Variants in CADM2 observed in about 807,000 individuals in gnomAD.
The protein encoded by CADM2 is immunoglobulin superfamily member 4D.
In CADM2, 12 loss-of-function variants were observed where a neutral mutation model predicts 49.8. That is an observed-to-expected ratio of 0.24 (90% CI 0.15 to 0.39). The LOEUF (loss-of-function observed/expected upper bound fraction) is 0.39, where lower values mean the gene tolerates loss of function less well. CADM2 is among the 10% of genes least tolerant of loss of function. The pLI is 1.00. For synonymous variants in CADM2, 214 were observed against 175.4 expected, an observed-to-expected ratio of 1.22 and a Z score of -1.74; for missense variants, 378 against 492.3, an observed-to-expected ratio of 0.77 and a Z score of 2.20.
chr3:85,051,790 G>T (rs991699903), intron 1 of CADM2, among the ~76,000 whole-genome samples: 3 of 151,938 alleles, frequency 2.0e-5, no homozygotes, highest in Non-Finnish European at 2.9e-5. Flanking sequence ...GTTTTAATTT[G>T]ATATCATTAT....
chr3:85,227,314 A>T (rs112771306), intron 1 of CADM2, among the ~76,000 whole-genome samples: 10,337 of 152,060 alleles, frequency 0.068, 1,154 homozygotes, highest in African/African-American at 0.23. Context: ...GCTCCTGTAT[A>T]GGGTGCATAT....
chr3:84,994,203 TTCTGACTC>T (rs1386110685), intron 1 of CADM2, among the ~76,000 whole-genome samples: 3 of 152,200 alleles, frequency 2.0e-5, no homozygotes, highest in Non-Finnish European at 4.4e-5. Context: ...GCTTTTCCAC[TTCTGACTC>T]TCTAAGTTTG....
intron 1 of CADM2, among the ~76,000 whole-genome samples, chr3:85,266,293 A>G (rs1669050529): frequency 6.6e-6 from 1 of 151,926 alleles, no homozygotes; most frequent in African/African-American, 2.4e-5. Flanking sequence ...TAAATTGTAA[A>G]TAAAAGTAAA....
chr3:86,047,946 A>T (rs970747618), intron 8 of CADM2, among the ~76,000 whole-genome samples: 1 of 152,170 alleles, frequency 6.6e-6, no homozygotes, highest in Non-Finnish European at 1.5e-5. Context: ...TACATTTAGG[A>T]AAATGTGAGT....
chr3:85,232,077 A>T (rs1383523880), intron 1 of CADM2, among the ~76,000 whole-genome samples: 1 of 151,606 alleles, frequency 6.6e-6, no homozygotes, highest in Non-Finnish European at 1.5e-5. Context: ...ATCTAATCAG[A>T]TTCTCAGTTC....
chr3:85,911,593 T>A (rs947821910), intron 5 of CADM2, among the ~76,000 whole-genome samples: 6 of 152,218 alleles, frequency 3.9e-5, no homozygotes, highest in African/African-American at 1.4e-4. Context: ...CTAAGTATCC[T>A]TTAGCAATTT....
chr3:86,014,757 A>G, intron 8 of CADM2: 1 of 1,487,316 alleles, frequency 6.7e-7, no homozygotes, highest in Non-Finnish European at 9.0e-7. Flanking sequence ...GCTCTCAGCC[A>G]AGCTTCACTG....
chr3:85,338,520 T>A (rs1304744266), intron 1 of CADM2, among the ~76,000 whole-genome samples: 1 of 151,586 alleles, frequency 6.6e-6, no homozygotes, highest in Non-Finnish European at 1.5e-5. Flanking sequence ...CAAATTATAG[T>A]GCATATAATA....
intron 3 of CADM2, among the ~76,000 whole-genome samples, chr3:85,837,118 G>A (rs1474034665): frequency 6.6e-6 from 1 of 151,536 alleles, no homozygotes. Flanking sequence ...ATGTGTACAA[G>A]TCATGTTCAT....
At chr3:85,587,891 C>T (rs550473679) in intron 1 of CADM2, among the ~76,000 whole-genome samples, 79 of 152,020 alleles carry the variant, frequency 5.2e-4, no homozygotes, top group African/African-American at 1.8e-3. Context: ...ACTACAGACA[C>T]GCGTCACCAT....
intron 1 of CADM2, among the ~76,000 whole-genome samples, chr3:85,620,638 A>G (rs1393996425): frequency 1.3e-5 from 2 of 152,070 alleles, no homozygotes; most frequent in Non-Finnish European, 2.9e-5. Flanking sequence ...ATCATCAAAC[A>G]CAAAATGTTT....
intron 1 of CADM2, among the ~76,000 whole-genome samples, chr3:85,379,954 C>A (rs914820898): frequency 7.9e-5 from 12 of 151,974 alleles, no homozygotes; most frequent in African/African-American, 2.9e-4. Flanking sequence ...CGCAAGAAAG[C>A]TTTAGCAAAC....
chr3:85,413,551 A>G (rs1161276590), intron 1 of CADM2, among the ~76,000 whole-genome samples: 1 of 152,140 alleles, frequency 6.6e-6, no homozygotes, highest in African/African-American at 2.4e-5. Context: ...GGCCTCAGGA[A>G]ACTTACAATC....
At chr3:85,040,273 G>A (rs1338070180) in intron 1 of CADM2, among the ~76,000 whole-genome samples, 2 of 152,080 alleles carry the variant, frequency 1.3e-5, no homozygotes, top group Non-Finnish European at 2.9e-5. Context: ...CAGATTTCAG[G>A]CTCATAAGCT....
chr3:85,568,457 TTCTTTCTCTTTC>T (rs2062356682), intron 1 of CADM2, among the ~76,000 whole-genome samples: 14 of 36,020 alleles, frequency 3.9e-4, no homozygotes, highest in African/African-American at 1.3e-3. Context: ...CTTTCTTTCT[TTCTTTCTCTTTC>T]TCTCTCTTTC....
chr3:85,354,618 CAGAG>C (rs139421347), intron 1 of CADM2, among the ~76,000 whole-genome samples: 5 of 130,250 alleles, frequency 3.8e-5, no homozygotes, highest in South Asian at 2.6e-4. Flanking sequence ...GAATACCTAA[CAGAG>C]AGAGAGAGAG....
At chr3:85,429,751 C>T (rs1194631423) in intron 1 of CADM2, among the ~76,000 whole-genome samples, 1 of 152,076 alleles carries the variant, frequency 6.6e-6, no homozygotes, top group East Asian at 1.9e-4. Context: ...TAATCTAGGA[C>T]AAATATTAGC....
chr3:85,377,584 A>T (rs1170265084), intron 1 of CADM2, among the ~76,000 whole-genome samples: 1 of 152,110 alleles, frequency 6.6e-6, no homozygotes, highest in Non-Finnish European at 1.5e-5. Flanking sequence ...AAGTTGCCCA[A>T]TGGAAACATG....
chr3:85,270,117 C>T (rs1444407766), intron 1 of CADM2, among the ~76,000 whole-genome samples: 3 of 151,218 alleles, frequency 2.0e-5, no homozygotes, highest in Admixed American at 1.3e-4. Flanking sequence ...ACAATTGCCT[C>T]AGAAATTTTA....
Sources: gnomAD v4.1 joint callset for allele counts (sites outside exome capture counted in the v4.1 genomes callset) on GRCh38, gnomAD v4.1.1 for gene constraint, MANE v1.5 for transcripts, NCBI Gene and HGNC (gene_info 2026-07-23, HGNC 2026-07-21) for gene names.